Variants in PAPOLA observed in about 807,000 individuals in gnomAD.
The protein encoded by PAPOLA is polynucleotide adenylyltransferase alpha.
In PAPOLA, 15 loss-of-function variants were observed where a neutral mutation model predicts 100.6. The ratio of observed to expected loss-of-function variants is 0.15; its 90% CI spans 0.10 to 0.23. PAPOLA has a LOEUF of 0.23. Among genes scored for constraint, PAPOLA ranks in the 10% least tolerant of loss-of-function variants. The probability of loss-of-function intolerance (pLI) is 1.00; values close to 1 mark genes in which losing one functional copy is unlikely to be tolerated. For missense variants in PAPOLA, 533 were observed against 884.2 expected (o/e 0.60, Z 5.04); for synonymous variants, 293 against 300.0 (o/e 0.98, Z 0.24).
rs1335265589 is a variant in PAPOLA, at chr14:96,565,941, T to C, written c.*891T>C. On this transcript the variant is annotated 3_prime_UTR_variant, in exon 22 of 22. Transcript: ENST00000216277. ...TCGTAAGAAACAAAATGCCAGTATTTTCTTAAGCCATGATGTGAAACCAAT... is the reference window on the plus strand; with the variant it reads ...TCGTAAGAAACAAAATGCCAGTATTCTCTTAAGCCATGATGTGAAACCAAT... 4 of 398,304 alleles carry C rather than the reference T, an allele frequency of 1.0e-5. No homozygotes were observed. The highest frequency in any genetic ancestry group is 1.8e-5 in the Non-Finnish European group (4 of 225,576). 24.7% of individuals were successfully genotyped at this position (398,304 alleles called of 1,614,324 possible).
chr14:96,552,686 T>C, intron 17 of PAPOLA, 64 bp downstream of exon 17: 1 of 1,407,048 alleles, frequency 7.1e-7, no homozygotes, highest in Non-Finnish European at 9.8e-7. Context: ...ATACATTCTC[T>C]TTTTGCTATT....
rs376946348 is a variant in PAPOLA at position 96,534,484 on chromosome 14, T to C, written c.837-7T>C. 1.5e-5 allele frequency: 24 copies of C among 1,612,944 alleles called. No individual in the cohort carries two copies. The highest frequency in any genetic ancestry group is 1.9e-5 in the Non-Finnish European group (23 of 1,179,684). On this transcript the variant is annotated splice_polypyrimidine_tract_variant and splice_region_variant and intron_variant, in intron 9 of 21. Transcript: ENST00000216277. Reference sequence around the variant, plus strand: ...GTCTTATCAAGTGCTACAATCTTTTTAAACAGGGAATGGCCAAATCCAGTG... The same window carrying C: ...GTCTTATCAAGTGCTACAATCTTTTCAAACAGGGAATGGCCAAATCCAGTG...
Position 96,532,988 on chromosome 14 carries a change from C to T in PAPOLA, c.836+339C>T, listed in dbSNP as rs1020762673. The T allele has an allele frequency of 6.2e-5, 62 of 1,004,420 alleles. No individual in the cohort carries two copies. The African/African-American group carries it at 8.9e-4, about 14-fold the overall frequency. 62.2% of individuals were successfully genotyped at this position (1,004,420 alleles called of 1,614,324 possible). On this transcript the variant is annotated intron_variant, in intron 9 of 21. Transcript: ENST00000216277. The stretch of plus-strand genomic sequence containing the variant: ...TAAAACTTGTACACACTACCTCTTT[C>T]ACTCTTTTAATTCTCTATCTATAGG...
chr14:96,545,311 A>G (rs963948649), intron 15 of PAPOLA, among the ~76,000 whole-genome samples: 12 of 152,088 alleles, frequency 7.9e-5, no homozygotes, highest in Non-Finnish European at 1.5e-4. Flanking sequence ...GCTCAGATAC[A>G]GTGACACTAG....
At chr14:96,515,036 T>G (rs192291719) in intron 1 of PAPOLA, among the ~76,000 whole-genome samples, 9 of 152,258 alleles carry the variant, frequency 5.9e-5, no homozygotes, top group African/African-American at 2.2e-4. Flanking sequence ...GAAGACATAC[T>G]TAGTAGTAAT....
chr14:96,551,869 C>G (rs971376387), intron 16 of PAPOLA, among the ~76,000 whole-genome samples: 3 of 152,106 alleles, frequency 2.0e-5, no homozygotes. Flanking sequence ...TTCTGCTTTT[C>G]TTTTCACAGG....
intron 3 of PAPOLA, 95 bp downstream of exon 3, chr14:96,521,167 G>T: frequency 1.4e-6 from 1 of 709,736 alleles, no homozygotes; most frequent in South Asian, 1.6e-5. Context: ...GAGTGGATTT[G>T]GAGTCTTTAA....
rs1295829903 is a variant in PAPOLA at position 96,535,107 on chromosome 14, A to G, written c.909+544A>G. On this transcript the variant is annotated intron_variant, in intron 10 of 21. Coordinates refer to ENST00000216277, the MANE Select transcript of PAPOLA (RefSeq NM_032632.5). ...CCATTCTGTTTCTTGGGAAGTTACA[A>G]CATTTACCGCTTACTCATTTTAAAT... 3 of 980,352 alleles carry G rather than the reference A, an allele frequency of 3.1e-6. No individual in the cohort carries two copies. The Admixed American group carries it at 1.8e-4, about 60-fold the overall frequency. 60.7% of individuals were successfully genotyped at this position (980,352 alleles called of 1,614,324 possible). A position where few individuals can be genotyped will look rare whatever the true frequency, so the allele number is the denominator to read the frequency against.
intron 9 of PAPOLA, 163 bp downstream of exon 9, chr14:96,532,812 A>T: frequency 7.5e-6 from 10 of 1,341,096 alleles, no homozygotes; most frequent in Non-Finnish European, 9.5e-6. Flanking sequence ...GGCAAACTGA[A>T]ACTATTTTTT....
chr14:96,532,992 C>T (rs1451838946), intron 9 of PAPOLA: 1 of 999,142 alleles, frequency 1.0e-6, no homozygotes, highest in African/African-American at 1.7e-5. Flanking sequence ...CTCTTTCACT[C>T]TTTTAATTCT....
intron 3 of PAPOLA, among the ~76,000 whole-genome samples, chr14:96,524,916 T>C (rs1379003780): frequency 3.3e-5 from 5 of 152,236 alleles, no homozygotes; most frequent in Non-Finnish European, 7.3e-5. Context: ...TCTTTTTCTT[T>C]AAAGCAATCA....
In PAPOLA at chr14:96,552,644, G is replaced by C. The variant is rs751743900; in HGVS notation, c.1664+22G>C. On this transcript the variant is annotated intron_variant, in intron 17 of 21. Transcript: ENST00000216277. Reference sequence around the variant, plus strand: ...AGGGGTAAGGAAAAAGAGGGAAATAGAAGTGGAGGGGCTGTTTGCTAAATC... The same window carrying C: ...AGGGGTAAGGAAAAAGAGGGAAATACAAGTGGAGGGGCTGTTTGCTAAATC... 6.9e-5 allele frequency: 110 copies of C among 1,604,624 alleles called. No homozygotes were observed. In the Admixed American group the frequency reaches 1.8e-3, roughly 27 times the overall value.
chr14:96,531,596 A>G lies in PAPOLA; in HGVS notation c.607+10A>G. On this transcript the variant is annotated intron_variant, in intron 7 of 21. Coordinates refer to ENST00000216277, the MANE Select transcript of PAPOLA (RefSeq NM_032632.5). ...ATAAGAAGTCTTAACGGTATGAGAAAGCCTACTTCCTTTTGTGTACTTCAG... is the reference window on the plus strand; with the variant it reads ...ATAAGAAGTCTTAACGGTATGAGAAGGCCTACTTCCTTTTGTGTACTTCAG... The G allele has an allele frequency of 6.3e-7, 1 of 1,593,632 alleles. No individual in the cohort carries two copies. The highest frequency in any genetic ancestry group is 8.6e-7 in the Non-Finnish European group (1 of 1,168,292).
chr14:96,549,770 C>T (rs886687651), intron 16 of PAPOLA, among the ~76,000 whole-genome samples: 3 of 152,178 alleles, frequency 2.0e-5, no homozygotes, highest in African/African-American at 7.2e-5. Context: ...TCAAGTTAAA[C>T]ACTTGCTTTC....
chr14:96,513,119 A>G (rs1897217368), intron 1 of PAPOLA, among the ~76,000 whole-genome samples: 1 of 152,170 alleles, frequency 6.6e-6, no homozygotes, highest in Non-Finnish European at 1.5e-5. Flanking sequence ...GCTGGACTGC[A>G]GTGGTGTGAT....
rs1286105144 is a variant in PAPOLA, at chr14:96,556,430, CAT to C, written c.2004+20_2004+21del. On this transcript the variant is annotated intron_variant, in intron 19 of 21. Coordinates refer to ENST00000216277, the MANE Select transcript of PAPOLA (RefSeq NM_032632.5). ...ACAGAAGAGGTATATATATGAAAAA[CAT>C]ATTAGTTAGCCATGGCAACACCAAC... The C allele has an allele frequency of 4.0e-6, 6 of 1,505,488 alleles. No homozygotes were observed. Among genetic ancestry groups the C allele is most frequent in the African/African-American group, 1.4e-5 (1 of 72,482 alleles). The allele number at this position is 1,505,488 out of a possible 1,614,324, so 93.3% of individuals were successfully genotyped here.
intron 16 of PAPOLA, among the ~76,000 whole-genome samples, chr14:96,548,184 T>C (rs1319250262): frequency 6.6e-6 from 1 of 152,176 alleles, no homozygotes; most frequent in East Asian, 1.9e-4. Context: ...TTTAGGACTT[T>C]TTATTCTTAT....
chr14:96,565,809 C>T lies in PAPOLA; in HGVS notation c.*759C>T. The T allele has an allele frequency of 7.5e-6, 3 of 398,266 alleles. No individual in the cohort carries two copies. The highest frequency in any genetic ancestry group is 8.9e-6 in the Non-Finnish European group (2 of 225,754). The allele number at this position is 398,266 out of a possible 1,614,324, so 24.7% of individuals were successfully genotyped here. A position where few individuals can be genotyped will look rare whatever the true frequency, so the allele number is the denominator to read the frequency against. ...TGAAAGCTCTGTGTTCTTTTGCCTT[C>T]AATCTGTTGTCTTCAAAACAAACAA... On this transcript the variant is annotated 3_prime_UTR_variant, in exon 22 of 22. Transcript: ENST00000216277.
In PAPOLA at chr14:96,552,616, C is replaced by T. The variant is rs1900933897; in HGVS notation, c.1658C>T (p.Ser553Phe). The T allele has an allele frequency of 6.2e-7, 1 of 1,611,968 alleles. No individual in the cohort carries two copies. Among genetic ancestry groups the T allele is most frequent in the Admixed American group, 1.7e-5 (1 of 59,608 alleles). ...AGTCCATTGAACAGTTCTGGCAGCT[C>T]TCAGGGGTAAGGAAAAAGAGGGAAA... ...KTSPLNSSGS[S>F]QGRNSPAPAV... The change falls in exon 17 of 22, where the codon TCT becomes TTT. Residue 553 changes from serine (S) to phenylalanine (F), a missense_variant. Transcript: ENST00000216277.
Sources: allele counts gnomAD v4.1 joint callset (sites outside exome capture counted in the v4.1 genomes callset), GRCh38; gene constraint gnomAD v4.1.1; transcripts MANE v1.5; gene names NCBI Gene and HGNC (gene_info 2026-07-23, HGNC 2026-07-21).